Variants in ARHGEF10L observed in about 807,000 individuals in gnomAD.
The protein encoded by ARHGEF10L is rho guanine nucleotide exchange factor 10-like protein.
Under a neutral mutation model 141.2 loss-of-function variants are expected in ARHGEF10L, and 69 were observed. The ratio of observed to expected loss-of-function variants is 0.49; its 90% CI spans 0.40 to 0.60. ARHGEF10L has a LOEUF of 0.60. ARHGEF10L is among the 20% of genes least tolerant of loss of function. ARHGEF10L has a pLI of 0.00. For synonymous variants in ARHGEF10L, 711 were observed against 718.5 expected (o/e 0.99, Z 0.17); for missense variants, 1,482 against 1,734.3 (o/e 0.85, Z 2.58).
intron 2 of ARHGEF10L, among the ~76,000 whole-genome samples, chr1:17,584,236 G>T (rs1194690415): frequency 6.6e-6 from 1 of 151,974 alleles, no homozygotes; most frequent in African/African-American, 2.4e-5. Context: ...GTAGAGACAA[G>T]GTCTCACCAT....
At chr1:17,626,124 G>A in intron 14 of ARHGEF10L, 76 bp downstream of exon 14, 1 of 1,339,294 alleles carries the variant, frequency 7.5e-7, no homozygotes, top group Non-Finnish European at 1.1e-6. Context: ...GGGGTAGGAG[G>A]GAGGAGGTCT....
intron 1 of ARHGEF10L, among the ~76,000 whole-genome samples, chr1:17,563,443 C>T (rs577027200): frequency 3.4e-4 from 51 of 152,128 alleles, no homozygotes; most frequent in Middle Eastern, 3.4e-3. Flanking sequence ...CCATGTTGCC[C>T]GGGATGGTCT....
intron 2 of ARHGEF10L, among the ~76,000 whole-genome samples, chr1:17,586,101 C>G (rs2079002008): frequency 6.6e-6 from 1 of 152,156 alleles, no homozygotes; most frequent in East Asian, 1.9e-4. Flanking sequence ...GCTAATCGTC[C>G]TACAGTGCAC....
In ARHGEF10L at chr1:17,603,645, G is replaced by A; in HGVS notation, c.433+54G>A. ...CTCTTGGGGACAGGGGAGGGAGGCTGGGACTGGGGAGGGTTGTCTCTTTCC... is the reference window on the plus strand; with the variant it reads ...CTCTTGGGGACAGGGGAGGGAGGCTAGGACTGGGGAGGGTTGTCTCTTTCC... On this transcript the variant is annotated intron_variant, in intron 6 of 28. Transcript: ENST00000361221. This position sits in a 1 kb window ranked among gnomAD's most constrained non-coding sequence, Gnocchi z 4.8. 1.0e-5 allele frequency: 15 copies of A among 1,483,166 alleles called. No individual in the cohort carries two copies. Among genetic ancestry groups the A allele is most frequent in the Non-Finnish European group, 1.3e-5 (14 of 1,092,660 alleles). 91.9% of individuals were successfully genotyped at this position (1,483,166 alleles called of 1,614,324 possible).
At chr1:17,684,439 A>C (rs2064393253) in intron 26 of ARHGEF10L, among the ~76,000 whole-genome samples, 1 of 152,148 alleles carries the variant, frequency 6.6e-6, no homozygotes, top group African/African-American at 2.4e-5. Context: ...GACTTTGCAC[A>C]GGCTGTGAGG....
At chr1:17,651,125 A>T (rs1033552079) in intron 22 of ARHGEF10L, among the ~76,000 whole-genome samples, 6 of 152,164 alleles carry the variant, frequency 3.9e-5, no homozygotes, top group Non-Finnish European at 7.3e-5. Context: ...TGATTTTTTT[A>T]AAGTTGCCTT....
the ARHGEF10L span, among the ~76,000 whole-genome samples, chr1:17,528,803 A>C: frequency 6.6e-6 from 1 of 152,196 alleles, no homozygotes; most frequent in Admixed American, 6.6e-5. Context: ...TGCTAGGCTT[A>C]ACGTGTGCTT....
At chr1:17,589,603 G>A (rs1029008728) in intron 4 of ARHGEF10L, among the ~76,000 whole-genome samples, 5 of 152,210 alleles carry the variant, frequency 3.3e-5, no homozygotes, top group African/African-American at 1.2e-4. Flanking sequence ...TCCAGAGTGG[G>A]TGGACTTGGG....
chr1:17,529,902 G>A, the ARHGEF10L span, among the ~76,000 whole-genome samples: 1 of 145,950 alleles, frequency 6.9e-6, no homozygotes, highest in Non-Finnish European at 1.5e-5. Flanking sequence ...TGACGATCTC[G>A]GCTCACTGTG....
rs371370261 is a variant in ARHGEF10L, at chr1:17,654,496, G to A, written c.2395-140G>A. On this transcript the variant is annotated intron_variant, in intron 22 of 28. Transcript: ENST00000361221. The surrounding 1 kb of genome is among the most constrained non-coding windows in gnomAD (Gnocchi z 4.3). The stretch of plus-strand genomic sequence containing the variant: ...GAACTGCCTGGAGAAGCAGGCACTC[G>A]TGAAGCATGTTGCTTTCCTGGCCCC... The A allele has an allele frequency of 1.6e-4, 126 of 769,838 alleles. No homozygotes were observed. Among genetic ancestry groups the A allele is most frequent in the African/African-American group, 1.5e-3 (91 of 59,190 alleles). 47.7% of individuals were successfully genotyped at this position (769,838 alleles called of 1,614,324 possible).
At chr1:17,665,128 C>A (rs147102972) in intron 26 of ARHGEF10L, among the ~76,000 whole-genome samples, 2 of 152,188 alleles carry the variant, frequency 1.3e-5, no homozygotes, top group Non-Finnish European at 2.9e-5. Context: ...TAGCACTGCC[C>A]GCTCACCTTC....
the ARHGEF10L span, among the ~76,000 whole-genome samples, chr1:17,517,960 G>T: frequency 6.6e-6 from 1 of 152,184 alleles, no homozygotes; most frequent in Admixed American, 6.5e-5. Context: ...ACAGCGCCTG[G>T]CCCTCATTAT....
chr1:17,518,743 G>GATCGAACT, the ARHGEF10L span, among the ~76,000 whole-genome samples: 3 of 140,308 alleles, frequency 2.1e-5, no homozygotes, highest in East Asian at 2.2e-4. Flanking sequence ...GGTGAGCCAA[G>GATCGAACT]ATTGTTCCAA....
rs2064018653 is a variant in ARHGEF10L at position 17,680,285 on chromosome 1, G to A, written c.3010-7288G>A. 2.6e-5 allele frequency among the ~76,000 whole-genome samples: 4 copies of A among 152,244 alleles called. No homozygotes were observed. The South Asian group carries it at 6.2e-4, about 24-fold the overall frequency. Reference sequence around the variant, plus strand: ...CCTCAGGAGCTGGCAGCCCCTGAGAGCCCCTGTGCCCAGCGAGCCTTCCGG... The same window carrying A: ...CCTCAGGAGCTGGCAGCCCCTGAGAACCCCTGTGCCCAGCGAGCCTTCCGG... On this transcript the variant is annotated intron_variant, in intron 26 of 28. Coordinates refer to ENST00000361221, the MANE Select transcript of ARHGEF10L (RefSeq NM_018125.4).
intron 1 of ARHGEF10L, among the ~76,000 whole-genome samples, chr1:17,543,001 C>T (rs747293568): frequency 1.3e-5 from 2 of 152,234 alleles, no homozygotes; most frequent in African/African-American, 2.4e-5. Flanking sequence ...TCTTTAACAA[C>T]TGAGTGTGCC....
rs1333461269 is a variant in ARHGEF10L at position 17,697,834 on chromosome 1, G to A, written c.*454G>A. 1 of 237,416 alleles carries A rather than the reference G, an allele frequency of 4.2e-6. No individual in the cohort carries two copies. Among genetic ancestry groups the A allele is most frequent in the Non-Finnish European group, 8.9e-6 (1 of 112,280 alleles). 14.7% of individuals were successfully genotyped at this position (237,416 alleles called of 1,614,324 possible). On this transcript the variant is annotated 3_prime_UTR_variant, in exon 29 of 29. Coordinates refer to ENST00000361221, the MANE Select transcript of ARHGEF10L (RefSeq NM_018125.4). The surrounding 1 kb of genome is among the most constrained non-coding windows in gnomAD (Gnocchi z 4.8). Reference sequence around the variant, plus strand: ...AAGTCTGTACATATTGGAGCTCTGGGAGATGCTGGAATAAAAGACAAGAGT... The same window carrying A: ...AAGTCTGTACATATTGGAGCTCTGGAAGATGCTGGAATAAAAGACAAGAGT...
intron 27 of ARHGEF10L, among the ~76,000 whole-genome samples, chr1:17,690,426 G>A (rs901245634): frequency 1.1e-3 from 164 of 152,336 alleles, no homozygotes; most frequent in African/African-American, 3.7e-3. Flanking sequence ...AGCCAGCAGC[G>A]GTCCATGATG....
rs34079639 is a variant in ARHGEF10L, at chr1:17,583,059, G to GAA, written c.37+2440_37+2441dup. ...GTGGAACCCTGTCTCTACAAAAAAT[G>GAA]AAAAAAAAAAAAAATAGCTGGGCAT... On this transcript the variant is annotated intron_variant, in intron 2 of 28. Coordinates refer to ENST00000361221, the MANE Select transcript of ARHGEF10L (RefSeq NM_018125.4). Among the ~76,000 whole-genome samples the GAA allele has an allele frequency of 9.3e-3, 1,305 of 139,794 alleles. 20 individuals are homozygous for GAA. Among genetic ancestry groups the GAA allele is most frequent in the African/African-American group, 0.027 (1,007 of 37,754 alleles). The allele number at this position is 139,794 out of a possible 152,430, so 91.7% of individuals were successfully genotyped here.
chr1:17,526,658 C>T, the ARHGEF10L span, among the ~76,000 whole-genome samples: 1 of 152,180 alleles, frequency 6.6e-6, no homozygotes, highest in African/African-American at 2.4e-5. Flanking sequence ...AATCCCAGCA[C>T]TTGGGGAGGC....
Sources: gnomAD v4.1 joint callset for allele counts (sites outside exome capture counted in the v4.1 genomes callset) on GRCh38, gnomAD v4.1.1 for gene constraint, Gnocchi (gnomAD v3.1) non-coding constraint, MANE v1.5 for transcripts, NCBI Gene and HGNC (gene_info 2026-07-23, HGNC 2026-07-21) for gene names.